PRR5L: variants seen among roughly 807,000 people sequenced by gnomAD.
PRR5L encodes the protein proline-rich protein 5-like.
Under a neutral mutation model 36.4 loss-of-function variants are expected in PRR5L, and 21 were observed. The observed-to-expected ratio is 0.58, with a 90% CI of 0.41 to 0.83. PRR5L has a LOEUF of 0.83. PRR5L is among the 40% of genes least tolerant of loss of function. PRR5L has a pLI of 0.00. For synonymous variants in PRR5L, 188 were observed against 197.0 expected (o/e 0.95, Z 0.38); for missense variants, 381 against 473.3 (o/e 0.80, Z 1.81).
chr11:36,346,965 T>C (rs1303540257), intron 1 of PRR5L, among the ~76,000 whole-genome samples: 1 of 152,222 alleles, frequency 6.6e-6, no homozygotes, highest in East Asian at 1.9e-4. Context: ...GTGGCTGTGT[T>C]CCAATAAAAC....
intron 1 of PRR5L, among the ~76,000 whole-genome samples, chr11:36,374,032 GATA>G (rs1857223863): frequency 6.6e-6 from 1 of 151,826 alleles, no homozygotes; most frequent in Non-Finnish European, 1.5e-5. Flanking sequence ...GTAAAAGACA[GATA>G]ATAATTTTTT....
intron 1 of PRR5L, among the ~76,000 whole-genome samples, chr11:36,356,868 A>G (rs893735777): frequency 6.6e-6 from 1 of 152,174 alleles, no homozygotes; most frequent in African/African-American, 2.4e-5. Context: ...TAATGCCACA[A>G]TGACCTCTAA....
At chr11:36,357,373 A>G (rs891050281) in intron 1 of PRR5L, among the ~76,000 whole-genome samples, 10 of 152,260 alleles carry the variant, frequency 6.6e-5, no homozygotes, top group Admixed American at 6.5e-4. Flanking sequence ...AGCTAAGATC[A>G]TTGATGAAGG....
intron 1 of PRR5L, among the ~76,000 whole-genome samples, chr11:36,356,129 C>T (rs1857025483): frequency 1.3e-5 from 2 of 151,974 alleles, no homozygotes; most frequent in African/African-American, 2.4e-5. Context: ...CTGGGCTGGT[C>T]TCGACCTCCT....
chr11:36,304,482 A>G (rs928247408), intron 1 of PRR5L, among the ~76,000 whole-genome samples: 1 of 152,226 alleles, frequency 6.6e-6, no homozygotes, highest in African/African-American at 2.4e-5. Flanking sequence ...TGTGCTGTAC[A>G]TATGATTCTG....
intron 5 of PRR5L, among the ~76,000 whole-genome samples, chr11:36,434,463 A>T (rs1205845629): frequency 6.6e-6 from 1 of 152,142 alleles, no homozygotes; most frequent in Non-Finnish European, 1.5e-5. Flanking sequence ...ATGTCTATAT[A>T]TACACACCCC....
At position 36,320,321 on chromosome 11, in the gene PRR5L, G is replaced by T. The variant is rs148929030; in HGVS notation, c.-126+23883G>T. On this transcript the variant is annotated intron_variant, in intron 1 of 8. Coordinates refer to ENST00000530639, the MANE Select transcript of PRR5L (RefSeq NM_001160167.2). ...TGCAGTGGTGCGATCTCGGCTCAGT[G>T]CAATCTCTGCCTCCCGGGTTCAAGC... Among the ~76,000 whole-genome samples, 1,276 of 145,712 alleles carry T rather than the reference G, an allele frequency of 8.8e-3. 15 individuals are homozygous for T. Among genetic ancestry groups the T allele is most frequent in the African/African-American group, 0.031 (1,225 of 39,140 alleles).
At chr11:36,441,909 A>C (rs1247887636) in intron 6 of PRR5L, among the ~76,000 whole-genome samples, 1 of 152,114 alleles carries the variant, frequency 6.6e-6, no homozygotes, top group Non-Finnish European at 1.5e-5. Flanking sequence ...GGGCACTTTG[A>C]GCCACTGCTG....
chr11:36,325,621 G>T (rs930489309), intron 1 of PRR5L, among the ~76,000 whole-genome samples: 1 of 152,118 alleles, frequency 6.6e-6, no homozygotes, highest in Admixed American at 6.6e-5. Context: ...GCATTTTAGT[G>T]AGCTGTCTCT....
chr11:36,405,540 C>G (rs1308368838), intron 3 of PRR5L, among the ~76,000 whole-genome samples: 2 of 152,134 alleles, frequency 1.3e-5, no homozygotes, highest in South Asian at 2.1e-4. Context: ...ATTCAACCCT[C>G]CCCACAGCCC....
intron 3 of PRR5L, among the ~76,000 whole-genome samples, chr11:36,403,609 G>A (rs1857847975): frequency 1.3e-5 from 2 of 152,140 alleles, no homozygotes; most frequent in South Asian, 2.1e-4. Context: ...TGTTTTGTAG[G>A]GGAAGGGGTG....
intron 1 of PRR5L, among the ~76,000 whole-genome samples, chr11:36,328,602 C>A (rs927728165): frequency 1.3e-5 from 2 of 152,098 alleles, no homozygotes; most frequent in African/African-American, 4.8e-5. Context: ...GAACCATGAG[C>A]CAATCAGATC....
intron 1 of PRR5L, among the ~76,000 whole-genome samples, chr11:36,365,384 T>C (rs1213679183): frequency 3.9e-5 from 6 of 152,212 alleles, no homozygotes; most frequent in Non-Finnish European, 8.8e-5. Flanking sequence ...TCGGGTCCTT[T>C]CGAAGCAAGT....
intron 1 of PRR5L, among the ~76,000 whole-genome samples, chr11:36,335,641 A>T (rs74547163): frequency 5.8e-4 from 88 of 152,260 alleles, no homozygotes; most frequent in Non-Finnish European, 5.1e-4. Flanking sequence ...CTCAAGGAGA[A>T]AAATTATTCT....
intron 3 of PRR5L, among the ~76,000 whole-genome samples, chr11:36,406,331 C>T (rs1857911522): frequency 6.6e-6 from 1 of 152,000 alleles, no homozygotes; most frequent in South Asian, 2.1e-4. Context: ...TAAATTGAGC[C>T]CAGAATAAGC....
chr11:36,399,715 T>C (rs1857749711), intron 1 of PRR5L, among the ~76,000 whole-genome samples: 1 of 152,252 alleles, frequency 6.6e-6, no homozygotes, highest in Admixed American at 6.5e-5. Context: ...TTCGTGGTGT[T>C]TCCTTTTGTC....
At position 36,462,745 on chromosome 11, in the gene PRR5L, C is replaced by A; in HGVS notation, c.*9C>A. ...GTGCTTCCCTCAGCTGAGTCGCCAC[C>A]CCTGGGCCTTTCCATCTCCTGTTTT... On this transcript the variant is annotated 3_prime_UTR_variant, in exon 9 of 9. Transcript: ENST00000530639. 3 of 1,518,978 alleles carry A rather than the reference C, an allele frequency of 2.0e-6. No homozygotes were observed. Among genetic ancestry groups the A allele is most frequent in the Non-Finnish European group, 2.6e-6 (3 of 1,134,146 alleles). The allele number at this position is 1,518,978 out of a possible 1,614,324, so 94.1% of individuals were successfully genotyped here.
chr11:36,443,667 T>C (rs1257506762), intron 6 of PRR5L, among the ~76,000 whole-genome samples: 1 of 152,200 alleles, frequency 6.6e-6, no homozygotes, highest in African/African-American at 2.4e-5. Flanking sequence ...TCAATATCAT[T>C]ATTATTCTCT....
At chr11:36,447,809 C>A (rs146309478) in intron 7 of PRR5L, among the ~76,000 whole-genome samples, 1 of 151,888 alleles carries the variant, frequency 6.6e-6, no homozygotes, top group African/African-American at 2.4e-5. Context: ...TGTAATTGGC[C>A]GGAATGCCAG....
Sources: allele counts gnomAD v4.1 joint callset (sites outside exome capture counted in the v4.1 genomes callset), GRCh38; gene constraint gnomAD v4.1.1; transcripts MANE v1.5; gene names NCBI Gene and HGNC (gene_info 2026-07-23, HGNC 2026-07-21).